Variants in PHF19 observed in about 807,000 individuals in gnomAD.
PHF19 encodes the protein polycomb like 3.
In PHF19, 21 loss-of-function variants were observed where a neutral mutation model predicts 79.8. The ratio of observed to expected loss-of-function variants is 0.26; its 90% CI spans 0.19 to 0.38. The LOEUF is 0.38. Among genes scored for constraint, PHF19 ranks in the 10% least tolerant of loss-of-function variants. The probability of loss-of-function intolerance (pLI) is 1.00; values close to 1 mark genes in which losing one functional copy is unlikely to be tolerated. For missense variants in PHF19, 445 were observed against 744.2 expected (o/e 0.60, Z 4.68); for synonymous variants, 273 against 296.3 (o/e 0.92, Z 0.81).
At chr9:120,868,840 C>T in intron 6 of PHF19, 1 of 1,067,494 alleles carries the variant, frequency 9.4e-7, no homozygotes, top group South Asian at 3.7e-5. Context: ...GGTCGCAACC[C>T]GCCAGGCCCG....
At chr9:120,861,242 G>C (rs1209313538) in intron 12 of PHF19, 68 bp from the exon 13 acceptor site, 1 of 907,476 alleles carries the variant, frequency 1.1e-6, no homozygotes, top group Non-Finnish European at 1.9e-6. Context: ...CACACAGGCT[G>C]CCTCCTATCC....
At chr9:120,861,693 A>G (rs952112016) in intron 12 of PHF19, among the ~76,000 whole-genome samples, 2 of 152,132 alleles carry the variant, frequency 1.3e-5, no homozygotes, top group Non-Finnish European at 2.9e-5. Flanking sequence ...AGTGGGGACA[A>G]GAATATTACC....
Position 120,866,257 on chromosome 9 carries a change from T to G in PHF19, c.711-161A>C, listed in dbSNP as rs999220653. On this transcript the variant is annotated intron_variant, in intron 7 of 14. Transcript: ENST00000373896. The surrounding 1 kb of genome is among the most constrained non-coding windows in gnomAD (Gnocchi z 5.2). Reference sequence around the variant, plus strand: ...GTCAAGGACAGGGCAGGACAGGGACTAAGAGATACCCCATATTCCTTCTAA... The same window carrying G: ...GTCAAGGACAGGGCAGGACAGGGACGAAGAGATACCCCATATTCCTTCTAA... Among the ~76,000 whole-genome samples the G allele has an allele frequency of 1.3e-5, 2 of 152,118 alleles. No homozygotes were observed. Among genetic ancestry groups the G allele is most frequent in the African/African-American group, 4.8e-5 (2 of 41,416 alleles).
In PHF19 at chr9:120,857,380, A is replaced by G. The variant is rs1165432512; in HGVS notation, c.*564T>C. 1 of 152,302 alleles carries G rather than the reference A, an allele frequency of 6.6e-6. No homozygotes were observed. Among genetic ancestry groups the G allele is most frequent in the African/African-American group, 2.4e-5 (1 of 41,394 alleles). 9.4% of individuals were successfully genotyped at this position (152,302 alleles called of 1,614,324 possible). On this transcript the variant is annotated 3_prime_UTR_variant, in exon 15 of 15. Transcript: ENST00000373896. ...TTTCACAGGGGCTCTCTCCCATCCC[A>G]CCACCTCTCTCCGAGGGTAGTGGGG...
rs757483079 is a variant in PHF19, at chr9:120,891,164, C to T, written c.42+3624G>A. ...CAGGGCTGGGTTAGGTATCCCTGCT[C>T]ATGCCCCAGAGCGCCTGGGTTTCTG... On this transcript the variant is annotated intron_variant, in intron 1 of 14. Coordinates refer to the PHF19 transcript ENST00000616568. This position sits in a 1 kb window ranked among gnomAD's most constrained non-coding sequence, Gnocchi z 4.3. Among the ~76,000 whole-genome samples, 4 of 152,158 alleles carry T rather than the reference C, an allele frequency of 2.6e-5. No homozygotes were observed. Among genetic ancestry groups the T allele is most frequent in the Non-Finnish European group, 4.4e-5 (3 of 68,032 alleles).
At chr9:120,885,597 C>T (rs1277732567) in intron 1 of PHF19, among the ~76,000 whole-genome samples, 1 of 134,452 alleles carries the variant, frequency 7.4e-6, no homozygotes, top group Non-Finnish European at 1.6e-5. Context: ...AAAAAAAAAA[C>T]AAAGCAGGAG....
chr9:120,872,355 G>A (rs933673073), intron 3 of PHF19, among the ~76,000 whole-genome samples: 1 of 152,246 alleles, frequency 6.6e-6, no homozygotes, highest in African/African-American at 2.4e-5. Context: ...TAGGAGACAA[G>A]CCACTCTTCA....
chr9:120,894,999 T>C (rs2046388350), upstream of PHF19: 1 of 373,862 alleles, frequency 2.7e-6, no homozygotes, highest in Non-Finnish European at 4.7e-6. Flanking sequence ...GAGGACCTTC[T>C]CTTGTATTTG....
chr9:120,861,215 G>A, intron 12 of PHF19, 41 bp from the exon 13 acceptor site: 2 of 1,163,210 alleles, frequency 1.7e-6, no homozygotes, highest in Non-Finnish European at 2.6e-6. Flanking sequence ...CAGACAGCGA[G>A]TATCAAATCC....
chr9:120,864,965 GAA>G (rs1564497153), intron 9 of PHF19, among the ~76,000 whole-genome samples: 1 of 151,554 alleles, frequency 6.6e-6, no homozygotes, highest in African/African-American at 2.4e-5. Flanking sequence ...AAAAAAATTA[GAA>G]AAAAGTTACT....
chr9:120,897,591 C>G (rs551836011), upstream of PHF19, among the ~76,000 whole-genome samples: 2 of 152,244 alleles, frequency 1.3e-5, no homozygotes, highest in Admixed American at 1.3e-4. Context: ...TAGAAGAAAA[C>G]AAGAAGCAGA....
At position 120,869,065 on chromosome 9, in the gene PHF19, C is replaced by T. The variant is rs1470873619; in HGVS notation, c.614+117G>A. 6 of 1,191,280 alleles carry T rather than the reference C, an allele frequency of 5.0e-6. No individual in the cohort carries two copies. In the Admixed American group the frequency reaches 8.9e-5, roughly 18 times the overall value. The allele number at this position is 1,191,280 out of a possible 1,614,324, so 73.8% of individuals were successfully genotyped here. A position where few individuals can be genotyped will look rare whatever the true frequency, so the allele number is the denominator to read the frequency against. On this transcript the variant is annotated intron_variant, in intron 6 of 14. Transcript: ENST00000373896. This position sits in a 1 kb window ranked among gnomAD's most constrained non-coding sequence, Gnocchi z 5.8. The stretch of plus-strand genomic sequence containing the variant: ...CCCCCACAGCGCAACACACTGGGCC[C>T]GCCCTCAAGGTCCCCGCCTTGGCTG...
chr9:120,877,431 G>A (rs1166223278), upstream of PHF19: 1 of 680,152 alleles, frequency 1.5e-6, no homozygotes, highest in Non-Finnish European at 1.8e-6. Flanking sequence ...AGCGCCGCCA[G>A]CCCCCGCCCG....
chr9:120,896,456 T>C (rs1250502735), upstream of PHF19, among the ~76,000 whole-genome samples: 6 of 142,656 alleles, frequency 4.2e-5, no homozygotes, highest in East Asian at 4.0e-4. Context: ...TTTTTCTTTT[T>C]TTTTTTTTTT....
In PHF19 at chr9:120,869,746, G is replaced by A. The variant is rs2045833671; in HGVS notation, c.465+99C>T. On this transcript the variant is annotated intron_variant, in intron 5 of 14. Transcript: ENST00000373896. The surrounding 1 kb of genome is among the most constrained non-coding windows in gnomAD (Gnocchi z 5.8). ...TATCTGTCTCCAAAGCCCAGGTGTG[G>A]CCCTTCTGCTTGGAGCTCAGACTCT... 1 of 1,582,826 alleles carries A rather than the reference G, an allele frequency of 6.3e-7. No homozygotes were observed. The highest frequency in any genetic ancestry group is 8.6e-7 in the Non-Finnish European group (1 of 1,164,210).
intron 1 of PHF19, among the ~76,000 whole-genome samples, chr9:120,883,657 G>A (rs1588133311): frequency 6.6e-6 from 1 of 152,016 alleles, no homozygotes; most frequent in Non-Finnish European, 1.5e-5. Flanking sequence ...CTACTTGGGA[G>A]CCTGAGGTGG....
chr9:120,895,919 C>T (rs897581164), upstream of PHF19, among the ~76,000 whole-genome samples: 2 of 152,222 alleles, frequency 1.3e-5, no homozygotes, highest in Non-Finnish European at 2.9e-5. Context: ...TCCCAAAGTG[C>T]TGGGATTACA....
the PHF19 span, among the ~76,000 whole-genome samples, chr9:120,901,387 G>A: frequency 6.6e-6 from 1 of 152,024 alleles, no homozygotes; most frequent in Non-Finnish European, 1.5e-5. Flanking sequence ...TAGAAACAGG[G>A]TTTCACTATG....
chr9:120,873,448 G>T (rs987562194), intron 3 of PHF19, among the ~76,000 whole-genome samples: 6 of 152,216 alleles, frequency 3.9e-5, no homozygotes, highest in Admixed American at 6.5e-5. Flanking sequence ...CTCCATCCAG[G>T]CATGTCCATC....
Sources: allele counts gnomAD v4.1 joint callset (sites outside exome capture counted in the v4.1 genomes callset), GRCh38; gene constraint gnomAD v4.1.1; non-coding constraint Gnocchi (gnomAD v3.1); transcripts MANE v1.5; gene names NCBI Gene and HGNC (gene_info 2026-07-23, HGNC 2026-07-21).